The following GRM8 variants were observed in gnomAD, a reference collection of about 807,000 sequenced individuals.
The protein encoded by GRM8 is metabotropic glutamate receptor 8.
In GRM8, 47 loss-of-function variants were observed where a neutral mutation model predicts 87.2. The observed-to-expected ratio is 0.54, with a 90% confidence interval of 0.43 to 0.69. The LOEUF is 0.69. Ranked by LOEUF, GRM8 falls within the 30% of genes least tolerant of loss-of-function variation. GRM8 has a pLI of 0.00. For missense variants in GRM8, 1,019 were observed against 1,139.2 expected (o/e 0.89, Z 1.52); for synonymous variants, 396 against 404.5 (o/e 0.98, Z 0.25).
At chr7:127,204,424 C>A (rs908589422) in intron 2 of GRM8, among the ~76,000 whole-genome samples, 7 of 152,158 alleles carry the variant, frequency 4.6e-5, no homozygotes, top group Admixed American at 1.3e-4. Context: ...ACAGCAGTTG[C>A]CATTAGAAAC....
chr7:126,838,474 AAAG>A (rs1217132475), intron 6 of GRM8, among the ~76,000 whole-genome samples: 2 of 152,228 alleles, frequency 1.3e-5, no homozygotes, highest in African/African-American at 4.8e-5. Flanking sequence ...CAAAGACATT[AAAG>A]AAGTGATTCA....
At chr7:127,043,720 A>T (rs528829518) in intron 3 of GRM8, among the ~76,000 whole-genome samples, 1 of 152,196 alleles carries the variant, frequency 6.6e-6, no homozygotes, top group African/African-American at 2.4e-5. Flanking sequence ...CATATGTAAC[A>T]AACCTGCACG....
chr7:126,483,086 CTATA>C (rs1483623569), intron 9 of GRM8, among the ~76,000 whole-genome samples: 3 of 147,598 alleles, frequency 2.0e-5, no homozygotes, highest in Non-Finnish European at 4.5e-5. Context: ...ACATATATAA[CTATA>C]TTTATTTGTT....
chr7:126,711,757 G>C (rs1286218328), intron 7 of GRM8, among the ~76,000 whole-genome samples: 1 of 152,220 alleles, frequency 6.6e-6, no homozygotes, highest in Non-Finnish European at 1.5e-5. Flanking sequence ...TTCTATATCA[G>C]CATTTGCTGC....
At chr7:127,204,048 C>T (rs1795769764) in intron 2 of GRM8, among the ~76,000 whole-genome samples, 1 of 152,144 alleles carries the variant, frequency 6.6e-6, no homozygotes, top group African/African-American at 2.4e-5. Flanking sequence ...TAGAATCTAA[C>T]TGTGGAGTTT....
intron 7 of GRM8, among the ~76,000 whole-genome samples, chr7:126,725,892 A>G (rs1812910869): frequency 6.6e-6 from 1 of 152,144 alleles, no homozygotes. Flanking sequence ...CTGTGAACTC[A>G]AGAGCGAGAG....
intron 9 of GRM8, among the ~76,000 whole-genome samples, chr7:126,475,865 A>T (rs1805844884): frequency 6.6e-6 from 1 of 152,176 alleles, no homozygotes; most frequent in Non-Finnish European, 1.5e-5. Context: ...TGCAATGGGG[A>T]AAACATCATC....
At chr7:127,053,984 G>C (rs565028129) in intron 3 of GRM8, among the ~76,000 whole-genome samples, 1 of 152,088 alleles carries the variant, frequency 6.6e-6, no homozygotes, top group East Asian at 1.9e-4. Flanking sequence ...AACTCTGAGA[G>C]GTAGATACTT....
At chr7:126,992,013 A>G (rs1812710325) in intron 3 of GRM8, among the ~76,000 whole-genome samples, 1 of 152,202 alleles carries the variant, frequency 6.6e-6, no homozygotes, top group African/African-American at 2.4e-5. Context: ...CTAAATATAT[A>G]AAATTATAGA....
intron 9 of GRM8, among the ~76,000 whole-genome samples, chr7:126,474,943 A>T (rs1404271126): frequency 6.6e-6 from 1 of 152,198 alleles, no homozygotes; most frequent in South Asian, 2.1e-4. Context: ...TCCTTTCATG[A>T]TAAAAATAAT....
intron 9 of GRM8, among the ~76,000 whole-genome samples, chr7:126,463,429 A>G (rs923436347): frequency 9.9e-5 from 15 of 151,792 alleles, no homozygotes; most frequent in Non-Finnish European, 1.3e-4. Context: ...CTATGGCAGA[A>G]AAATGAAATT....
chr7:127,241,798 GT>G (rs1398139830), intron 2 of GRM8, among the ~76,000 whole-genome samples: 1 of 152,108 alleles, frequency 6.6e-6, no homozygotes, highest in African/African-American at 2.4e-5. Flanking sequence ...AAAAATTCAT[GT>G]CCCCCTGAGT....
In GRM8 at chr7:126,658,726, T is replaced by C. The variant is rs534205744; in HGVS notation, c.1358-49228A>G. 3.3e-5 allele frequency among the ~76,000 whole-genome samples: 5 copies of C among 151,962 alleles called. No individual in the cohort carries two copies. The East Asian group carries it at 9.7e-4, about 29-fold the overall frequency. On this transcript the variant is annotated intron_variant, in intron 7 of 10. Coordinates refer to ENST00000339582, the MANE Select transcript of GRM8 (RefSeq NM_000845.3). ...AAGGAACTGGAATGGAGGAATATACTTTATGTAAAGAAGGAAGACCAGAAA... is the reference window on the plus strand; with the variant it reads ...AAGGAACTGGAATGGAGGAATATACCTTATGTAAAGAAGGAAGACCAGAAA...
intron 3 of GRM8, among the ~76,000 whole-genome samples, chr7:127,040,863 A>T (rs1818366268): frequency 6.6e-6 from 1 of 152,216 alleles, no homozygotes; most frequent in Non-Finnish European, 1.5e-5. Context: ...ATGCTACATG[A>T]GGAAGAGAAT....
At chr7:126,627,277 C>A (rs1800800222) in intron 7 of GRM8, among the ~76,000 whole-genome samples, 1 of 152,102 alleles carries the variant, frequency 6.6e-6, no homozygotes, top group South Asian at 2.1e-4. Flanking sequence ...TTGATAATCC[C>A]AACTGGGAAG....
At chr7:127,193,181 A>C (rs1036641463) in intron 2 of GRM8, among the ~76,000 whole-genome samples, 20 of 152,224 alleles carry the variant, frequency 1.3e-4, no homozygotes, top group African/African-American at 4.8e-4. Flanking sequence ...GTAAATGCAT[A>C]ACACAAATTT....
intron 7 of GRM8, among the ~76,000 whole-genome samples, chr7:126,704,343 T>C (rs1810258753): frequency 6.6e-6 from 1 of 152,178 alleles, no homozygotes; most frequent in African/African-American, 2.4e-5. Context: ...CTTAATCCCA[T>C]CATTTTCATA....
chr7:126,446,231 C>A lies in GRM8; in HGVS notation c.2572G>T (p.Ala858Ser), dbSNP rs1421263250. 2 of 1,612,956 alleles carry A rather than the reference C, an allele frequency of 1.2e-6. No homozygotes were observed. The highest frequency in any genetic ancestry group is 8.5e-7 in the Non-Finnish European group (1 of 1,179,434). The change falls in exon 10 of 11, where the codon GCT becomes TCT. Residue 858 changes from alanine (A) to serine (S), a missense_variant. By Grantham distance (99) the Ala-to-Ser change is moderately conservative. Coordinates refer to ENST00000339582, the MANE Select transcript of GRM8 (RefSeq NM_000845.3). ...TGCATGGTGGCAGCTGTCACCACAG[C>A]CTTGAAGCTCCTCTTGCGTTTTTGA... ...NVQKRKRSFK[A>S]VVTAATMQSK...
chr7:126,759,880 T>A (rs77126637), intron 7 of GRM8, among the ~76,000 whole-genome samples: 1,969 of 152,324 alleles, frequency 0.013, 13 homozygotes, highest in Middle Eastern at 0.024. Context: ...CAGCTTTTTT[T>A]ATAAATGAGG....
Sources: allele counts gnomAD v4.1 joint callset (sites outside exome capture counted in the v4.1 genomes callset), GRCh38; gene constraint gnomAD v4.1.1; transcripts MANE v1.5; gene names NCBI Gene and HGNC (gene_info 2026-07-23, HGNC 2026-07-21).